Variants in GPM6A observed in about 807,000 individuals in gnomAD.
The protein encoded by GPM6A is glycoprotein M6A.
Under a neutral mutation model 32.1 loss-of-function variants are expected in GPM6A, and 7 were observed. The observed-to-expected ratio is 0.22, with a 90% CI of 0.12 to 0.41. The LOEUF (loss-of-function observed/expected upper bound fraction) is 0.41, where lower values mean the gene tolerates loss of function less well. Among genes scored for constraint, GPM6A ranks in the 10% least tolerant of loss-of-function variants. The probability of loss-of-function intolerance (pLI) is 1.00; values close to 1 mark genes in which losing one functional copy is unlikely to be tolerated. For synonymous variants in GPM6A, 130 were observed against 123.4 expected (o/e 1.05, Z -0.35); for missense variants, 235 against 347.2 (o/e 0.68, Z 2.57).
chr4:175,939,525 C>T (rs1478604880), intron 1 of GPM6A, among the ~76,000 whole-genome samples: 1 of 152,098 alleles, frequency 6.6e-6, no homozygotes, highest in African/African-American at 2.4e-5. Flanking sequence ...AATACATCTT[C>T]CCCAATTAAA....
At chr4:175,775,978 A>C (rs1242269499) in intron 1 of GPM6A, among the ~76,000 whole-genome samples, 2 of 152,202 alleles carry the variant, frequency 1.3e-5, no homozygotes, top group Non-Finnish European at 2.9e-5. Flanking sequence ...AAAAATTTCA[A>C]AAGACACTAA....
intron 4 of GPM6A, among the ~76,000 whole-genome samples, chr4:175,650,298 ATTTATTTATTTATTTATTTATTTT>A (rs760393969): frequency 3.7e-5 from 3 of 80,250 alleles, no homozygotes; most frequent in African/African-American, 1.6e-4. Context: ...TTATTTATTT[ATTTATTTATTTATTTATTTATTTT>A]GAGATGGAGT....
At chr4:175,649,731 T>G (rs771901326) in intron 4 of GPM6A, among the ~76,000 whole-genome samples, 11 of 152,136 alleles carry the variant, frequency 7.2e-5, no homozygotes, top group Non-Finnish European at 1.3e-4. Context: ...GATTTAACAG[T>G]GAAAGCAATC....
At chr4:175,968,014 T>A (rs1740381204) in intron 1 of GPM6A, among the ~76,000 whole-genome samples, 2 of 152,170 alleles carry the variant, frequency 1.3e-5, no homozygotes, top group Non-Finnish European at 2.9e-5. Flanking sequence ...CACCTGACTT[T>A]AAGACTTACC....
intron 1 of GPM6A, among the ~76,000 whole-genome samples, chr4:175,995,585 C>G (rs776585491): frequency 6.6e-6 from 1 of 152,004 alleles, no homozygotes; most frequent in East Asian, 1.9e-4. Context: ...CATCATCAGT[C>G]GGATTACATG....
rs563433530 is a variant in GPM6A, at chr4:175,847,163, T to C, written c.-22-34914A>G. ...CACATAGAATATGCCATTCAACACA[T>C]CTTTGAAACTACCCACTGGATGGTC... is the stretch of plus-strand genomic sequence containing the variant. On this transcript the variant is annotated intron_variant, in intron 1 of 7. Coordinates refer to the GPM6A transcript ENST00000280187. 2.6e-5 allele frequency among the ~76,000 whole-genome samples: 4 copies of C among 152,224 alleles called. No homozygotes were observed. The South Asian group carries it at 8.3e-4, about 32-fold the overall frequency.
intron 4 of GPM6A, among the ~76,000 whole-genome samples, chr4:175,643,926 C>T (rs2333245): frequency 0.68 from 103,298 of 151,872 alleles, 37,459 homozygotes; most frequent in South Asian, 0.8. Flanking sequence ...TCCCAAGTGC[C>T]GGCCACCCAC....
At chr4:175,925,858 T>A (rs1738822906) in intron 1 of GPM6A, among the ~76,000 whole-genome samples, 1 of 150,240 alleles carries the variant, frequency 6.7e-6, no homozygotes, top group African/African-American at 2.4e-5. Flanking sequence ...TTCTTTTTTT[T>A]TTTTTTTCTT....
chr4:175,805,900 T>C (rs907405076), intron 1 of GPM6A: 2 of 152,214 alleles, frequency 1.3e-5, no homozygotes, highest in African/African-American at 2.4e-5. Flanking sequence ...TTATCTTCTG[T>C]TTTTCTTTCT....
chr4:175,864,735 A>ATTTTCTTCTGCG (rs951158038), intron 1 of GPM6A, among the ~76,000 whole-genome samples: 1 of 151,734 alleles, frequency 6.6e-6, no homozygotes, highest in Non-Finnish European at 1.5e-5. Context: ...GATCACTGAG[A>ATTTTCTTCTGCG]TTTTCTTCTG....
intron 1 of GPM6A, among the ~76,000 whole-genome samples, chr4:175,998,327 T>C (rs1741373538): frequency 6.6e-6 from 1 of 151,936 alleles, no homozygotes; most frequent in Non-Finnish European, 1.5e-5. Context: ...CTACTGTTTG[T>C]AATTTTAGTA....
At chr4:175,875,635 G>A (rs565933832) in intron 1 of GPM6A, among the ~76,000 whole-genome samples, 2 of 152,008 alleles carry the variant, frequency 1.3e-5, no homozygotes, top group East Asian at 3.9e-4. Context: ...GCTGGTTACT[G>A]GTAAAACCAC....
At chr4:175,804,786 C>T (rs916946790) in intron 1 of GPM6A, among the ~76,000 whole-genome samples, 5 of 152,100 alleles carry the variant, frequency 3.3e-5, no homozygotes, top group Non-Finnish European at 5.9e-5. Context: ...TGGCTCACGC[C>T]TGTAATCCCA....
At position 175,951,032 on chromosome 4, in the gene GPM6A, G is replaced by T. The variant is rs79985199; in HGVS notation, c.-23+51277C>A. On this transcript the variant is annotated intron_variant, in intron 1 of 7. Coordinates refer to the GPM6A transcript ENST00000280187. ...GCCTTTTTGGTTATTTCAGGCTTCT[G>T]TTATACTGAATGCCACCCATTCCAA... is the stretch of plus-strand genomic sequence containing the variant. Among the ~76,000 whole-genome samples the T allele has an allele frequency of 3.6e-4, 55 of 152,172 alleles. No individual in the cohort carries two copies. The East Asian group carries it at 0.01, about 28-fold the overall frequency.
chr4:175,713,239 G>T (rs1331095038), intron 1 of GPM6A, among the ~76,000 whole-genome samples: 1 of 152,060 alleles, frequency 6.6e-6, no homozygotes, highest in African/African-American at 2.4e-5. Flanking sequence ...GTCTCACTCT[G>T]TCGCCCAGGC....
intron 1 of GPM6A, among the ~76,000 whole-genome samples, chr4:175,763,495 A>C (rs1051909381): frequency 6.6e-6 from 1 of 152,180 alleles, no homozygotes; most frequent in African/African-American, 2.4e-5. Context: ...GCATAAACCC[A>C]CTTAAGGACC....
At chr4:175,692,158 A>G (rs1425820589) in intron 2 of GPM6A, among the ~76,000 whole-genome samples, 2 of 152,200 alleles carry the variant, frequency 1.3e-5, no homozygotes, top group African/African-American at 2.4e-5. Flanking sequence ...TTGCAGCAGC[A>G]ATGGTAAGCT....
chr4:175,853,578 TC>T (rs1220901626), intron 1 of GPM6A, among the ~76,000 whole-genome samples: 1 of 151,652 alleles, frequency 6.6e-6, no homozygotes, highest in African/African-American at 2.4e-5. Context: ...CAGGAAATCT[TC>T]ATTACTCTTT....
At chr4:175,754,094 C>T (rs1560914567) in intron 1 of GPM6A, among the ~76,000 whole-genome samples, 2 of 152,236 alleles carry the variant, frequency 1.3e-5, no homozygotes, top group East Asian at 3.9e-4. Flanking sequence ...TATTTTTCAA[C>T]ATATCTTAAT....
Sources: allele counts gnomAD v4.1 joint callset (sites outside exome capture counted in the v4.1 genomes callset), GRCh38; gene constraint gnomAD v4.1.1; transcripts MANE v1.5; gene names NCBI Gene and HGNC (gene_info 2026-07-23, HGNC 2026-07-21).